NXPE1: variants seen among roughly 807,000 people sequenced by gnomAD.
NXPE1 encodes neurexophilin and PC-esterase domain family member 1.
In NXPE1, 31 loss-of-function variants were observed where a neutral mutation model predicts 33.3. The observed-to-expected ratio is 0.93, with a 90% CI of 0.70 to 1.26. The LOEUF (loss-of-function observed/expected upper bound fraction) is 1.26, where lower values mean the gene tolerates loss of function less well. NXPE1 is among the 50% of genes most tolerant of loss of function. The pLI is 0.00. For synonymous variants in NXPE1, 229 were observed against 231.4 expected (o/e 0.99, Z 0.09); for missense variants, 661 against 655.6 (o/e 1.01, Z -0.09).
intron 7 of NXPE1, among the ~76,000 whole-genome samples, chr11:114,524,950 C>A (rs1947325369): frequency 6.6e-6 from 1 of 152,086 alleles, no homozygotes; most frequent in South Asian, 2.1e-4. Flanking sequence ...TCCTGATTAA[C>A]CCCGGTTTAT....
At chr11:114,522,804 G>A (rs549045417) in intron 8 of NXPE1, 75 bp downstream of exon 8, 114 of 1,043,414 alleles carry the variant, frequency 1.1e-4, no homozygotes, top group Admixed American at 2.9e-4. Flanking sequence ...TAGCTCAAAC[G>A]AGAGAATAGA....
At chr11:114,556,962 GGCTCACT>G (rs565958895) in intron 1 of NXPE1, among the ~76,000 whole-genome samples, 128 of 148,280 alleles carry the variant, frequency 8.6e-4, no homozygotes, top group African/African-American at 3.0e-3. Context: ...GCACTATCTT[GGCTCACT>G]GCAACCTCTG....
rs1948476885 is a variant in NXPE1 at position 114,551,369 on chromosome 11, A to G, written c.-11+14T>C. 5 of 1,396,276 alleles carry G rather than the reference A, an allele frequency of 3.6e-6. No homozygotes were observed. The highest frequency in any genetic ancestry group is 1.5e-5 in the African/African-American group (1 of 68,524). The allele number at this position is 1,396,276 out of a possible 1,614,324, so 86.5% of individuals were successfully genotyped here. ...TGCTAACTAACAACTCATACCCCCA[A>G]TCCCTTTGTCTACCTATTGGATACT... On this transcript the variant is annotated intron_variant, in intron 4 of 8. Coordinates refer to ENST00000534921, the Ensembl canonical transcript of NXPE1.
chr11:114,553,072 C>T (rs1452187639), intron 1 of NXPE1, among the ~76,000 whole-genome samples, 192 bp from the exon 2 acceptor site: 1 of 152,216 alleles, frequency 6.6e-6, no homozygotes, highest in African/African-American at 2.4e-5. Context: ...ACTGCTCAAT[C>T]TCCACCATGC....
At chr11:114,539,899 A>G (rs1187971378) in intron 5 of NXPE1, among the ~76,000 whole-genome samples, 3 of 152,182 alleles carry the variant, frequency 2.0e-5, no homozygotes, top group Non-Finnish European at 4.4e-5. Flanking sequence ...CACTATATTG[A>G]AAAAAACCCA....
downstream of NXPE1, among the ~76,000 whole-genome samples, chr11:114,520,337 G>A (rs746467288): frequency 3.3e-4 from 50 of 152,048 alleles, no homozygotes; most frequent in Admixed American, 8.5e-4. Context: ...ATATATAAGT[G>A]AGATCAAGCA....
chr11:114,530,930 T>A (rs1447798109), intron 5 of NXPE1, 22 bp from the exon 6 acceptor site: 1 of 1,566,876 alleles, frequency 6.4e-7, no homozygotes, highest in African/African-American at 1.4e-5. Flanking sequence ...AGGATTGTGA[T>A]ATACTATGAA....
intron 6 of NXPE1, among the ~76,000 whole-genome samples, chr11:114,528,290 C>T (rs1947443205): frequency 6.6e-6 from 1 of 152,068 alleles, no homozygotes. Flanking sequence ...AGTTTTATCC[C>T]ACCTAAATTT....
rs745916377 is a variant in NXPE1, at chr11:114,521,926, T to A, written c.*42A>T. On this transcript the variant is annotated 3_prime_UTR_variant, in exon 9 of 9. Coordinates refer to ENST00000534921, the Ensembl canonical transcript of NXPE1. ...ACTTTACAATACATGTGGGATTATG[T>A]GCAGAGATTGGTTCCTAGTGATTTT... 4.3e-6 allele frequency: 6 copies of A among 1,385,330 alleles called. No individual in the cohort carries two copies. In the East Asian group the frequency reaches 1.4e-4, roughly 32 times the overall value. The allele number at this position is 1,385,330 out of a possible 1,614,324, so 85.8% of individuals were successfully genotyped here.
At chr11:114,529,563 G>C (rs1435689632) in intron 6 of NXPE1, 1 of 152,374 alleles carries the variant, frequency 6.6e-6, no homozygotes, top group Non-Finnish European at 1.5e-5. Context: ...GTTGAACCAG[G>C]GGTTTGCAGG....
intron 5 of NXPE1, among the ~76,000 whole-genome samples, chr11:114,536,285 G>C (rs1380905427): frequency 2.0e-5 from 3 of 152,208 alleles, no homozygotes; most frequent in Non-Finnish European, 4.4e-5. Flanking sequence ...TCAAAGCAGT[G>C]TGTAGAGGGA....
intron 5 of NXPE1, among the ~76,000 whole-genome samples, chr11:114,548,370 C>A (rs1036328798): frequency 6.6e-6 from 1 of 151,992 alleles, no homozygotes; most frequent in Non-Finnish European, 1.5e-5. Flanking sequence ...GAGAATATAA[C>A]TTTAGAGGAA....
chr11:114,546,310 TAGGTGA>T (rs1160048718), intron 5 of NXPE1, among the ~76,000 whole-genome samples: 1 of 152,004 alleles, frequency 6.6e-6, no homozygotes, highest in East Asian at 1.9e-4. Flanking sequence ...ATTGATGTGG[TAGGTGA>T]AGGCTAGTGT....
intron 5 of NXPE1, among the ~76,000 whole-genome samples, chr11:114,544,592 A>G (rs1170112462): frequency 1.3e-5 from 2 of 152,202 alleles, no homozygotes; most frequent in African/African-American, 4.8e-5. Context: ...TGGATGACAG[A>G]CCTAAATAAA....
chr11:114,536,244 G>C (rs1038933164), intron 5 of NXPE1, among the ~76,000 whole-genome samples: 6 of 152,150 alleles, frequency 3.9e-5, no homozygotes, highest in Non-Finnish European at 7.3e-5. Context: ...TGAGAACAAA[G>C]ACACAACATA....
rs78059639 is a variant in NXPE1 at position 114,552,026 on chromosome 11, G to A, written c.-122C>T. 2 of 152,186 alleles carry A rather than the reference G, an allele frequency of 1.3e-5. No homozygotes were observed. The highest frequency in any genetic ancestry group is 4.8e-5 in the African/African-American group (2 of 41,444). 9.4% of individuals were successfully genotyped at this position (152,186 alleles called of 1,614,324 possible). A position where few individuals can be genotyped will look rare whatever the true frequency, so the allele number is the denominator to read the frequency against. ...TGAAAGGTTTTGTGTGAGTGGTTTCGTTTTGTGGAATCCAAAAAGTTCTGT... is the reference window on the plus strand; with the variant it reads ...TGAAAGGTTTTGTGTGAGTGGTTTCATTTTGTGGAATCCAAAAAGTTCTGT... On this transcript the variant is annotated 5_prime_UTR_variant, in exon 3 of 9. The change creates a new upstream start codon in the 5' untranslated region. Transcript: ENST00000534921.
intron 1 of NXPE1, chr11:114,553,955 A>G: frequency 1.0e-6 from 1 of 985,400 alleles, no homozygotes; most frequent in Non-Finnish European, 1.2e-6. Flanking sequence ...CAGGTTTGTC[A>G]GTATACCCCT....
downstream of NXPE1, among the ~76,000 whole-genome samples, chr11:114,521,236 C>T (rs1947204588): frequency 6.6e-6 from 1 of 152,222 alleles, no homozygotes; most frequent in Non-Finnish European, 1.5e-5. Flanking sequence ...GTTTACCCAA[C>T]TCCACTTACG....
At position 114,551,965 on chromosome 11, in the gene NXPE1, G is replaced by T. The variant is rs1476120084; in HGVS notation, c.-70+9C>A. ...ACAAAATGTAAAGCCTTGCCTCTTT[G>T]TCCCTTACCAAATCCTCAGTGAAGT... is the stretch of plus-strand genomic sequence containing the variant. On this transcript the variant is annotated intron_variant, in intron 3 of 8. Transcript: ENST00000534921. The T allele has an allele frequency of 6.6e-6, 1 of 152,172 alleles. No homozygotes were observed. Among genetic ancestry groups the T allele is most frequent in the Non-Finnish European group, 1.5e-5 (1 of 68,032 alleles). The allele number at this position is 152,172 out of a possible 1,614,324, so 9.4% of individuals were successfully genotyped here. A position where few individuals can be genotyped will look rare whatever the true frequency, so the allele number is the denominator to read the frequency against.
Sources: allele counts gnomAD v4.1 joint callset (sites outside exome capture counted in the v4.1 genomes callset), GRCh38; gene constraint gnomAD v4.1.1; transcripts MANE v1.5; gene names NCBI Gene and HGNC (gene_info 2026-07-23, HGNC 2026-07-21).